Variants in PPM1N observed in about 807,000 individuals in gnomAD.
PPM1N encodes protein phosphatase, Mg2+/Mn2+ dependent 1N (putative).
PPM1N carries 35 observed loss-of-function variants against 32.6 expected under a neutral mutation model. That is an observed-to-expected ratio of 1.07 (90% confidence interval 0.82 to 1.43). PPM1N has a LOEUF of 1.43. Ranked by LOEUF, PPM1N falls within the 40% of genes most tolerant of loss-of-function variation. PPM1N has a pLI of 0.00. For synonymous variants in PPM1N, 275 were observed against 270.5 expected (o/e 1.02, Z -0.16); for missense variants, 648 against 606.6 (o/e 1.07, Z -0.72).
chr19:45,500,734 G>A lies in PPM1N; in HGVS notation c.1224+24G>A, dbSNP rs375536498. 10 of 1,572,980 alleles carry A rather than the reference G, an allele frequency of 6.4e-6. No homozygotes were observed. In the African/African-American group the frequency reaches 1.3e-4, roughly 21 times the overall value. ...AGGTAAGGATCCTGTGTTCTCCAGT[G>A]TTTCTCTTAGGAGGGGACGCCCCCC... On this transcript the variant is annotated intron_variant, in intron 4 of 4. Coordinates refer to ENST00000451287, the MANE Select transcript of PPM1N (RefSeq NM_001080401.2).
At position 45,499,964 on chromosome 19, in the gene PPM1N, A is replaced by C; in HGVS notation, c.955A>C (p.Met319Leu). Residue 319 changes from methionine to leucine, a missense_variant, in exon 2 of 5, where the codon ATG becomes CTG. Met to Leu is a conservative substitution (Grantham distance 15). Coordinates refer to ENST00000451287, the MANE Select transcript of PPM1N (RefSeq NM_001080401.2). Reference protein sequence around the residue: ...TCLCKGSLDNMTCILVCFPGA... With the variant: ...TCLCKGSLDNLTCILVCFPGA... ...CCGGCTTCAGGGCAGCCTGGACAAC[A>C]TGACCTGCATCCTGGTCTGCTTCCC... is the stretch of plus-strand genomic sequence containing the variant. The C allele has an allele frequency of 7.5e-6, 12 of 1,590,262 alleles. No individual in the cohort carries two copies. Among genetic ancestry groups the C allele is most frequent in the Non-Finnish European group, 1.0e-5 (12 of 1,167,514 alleles).
Position 45,502,170 on chromosome 19 carries a change from G to A in PPM1N, c.*85G>A. The stretch of plus-strand genomic sequence containing the variant: ...AAACCGACCCTTTCCCCAACTACAT[G>A]TACCAGCGGAAGGAAGGAAGGCCAA... On this transcript the variant is annotated 3_prime_UTR_variant, in exon 5 of 5. Coordinates refer to ENST00000451287, the MANE Select transcript of PPM1N (RefSeq NM_001080401.2). 8.3e-6 allele frequency: 9 copies of A among 1,080,798 alleles called. No individual in the cohort carries two copies. Among genetic ancestry groups the A allele is most frequent in the Non-Finnish European group, 1.2e-5 (9 of 720,340 alleles). 67.0% of individuals were successfully genotyped at this position (1,080,798 alleles called of 1,614,324 possible).
chr19:45,499,469 CG>C (rs746399576), intron 1 of PPM1N, 58 bp downstream of exon 1: 1 of 1,598,220 alleles, frequency 6.3e-7, no homozygotes, highest in Non-Finnish European at 8.5e-7. Context: ...GAGAGAGCCT[CG>C]GGGTTTTGGG....
chr19:45,499,820 G>A, intron 1 of PPM1N, 129 bp from the exon 2 acceptor site: 1 of 1,494,626 alleles, frequency 6.7e-7, no homozygotes, highest in Non-Finnish European at 8.9e-7. Flanking sequence ...AGAGAGGATT[G>A]GCAGGTGGGT....
chr19:45,498,792 G>T lies in PPM1N; in HGVS notation c.320G>T (p.Gly107Val). 1 of 1,552,604 alleles carries T rather than the reference G, an allele frequency of 6.4e-7. No individual in the cohort carries two copies. ...TTTGCCGTCCTCGACGGCCACGGTG[G>T]GGCTCGAGCTGCCCGCTTCGGTGCA... is the stretch of plus-strand genomic sequence containing the variant. ...ALFAVLDGHG[G>V]ARAARFGARH... Residue 107 changes from glycine to valine, a missense_variant, in exon 1 of 5, where the codon GGG becomes GTG. Coordinates refer to ENST00000451287, the MANE Select transcript of PPM1N (RefSeq NM_001080401.2).
In PPM1N at chr19:45,498,849, T is replaced by G. The variant is rs1968354350; in HGVS notation, c.377T>G (p.Leu126Arg). ...RHLPGHVLQE[L>R]GPEPSEPEGV... is the part of the protein sequence containing the mutation. ...TTGCCAGGCCATGTGCTCCAGGAGC[T>G]GGGCCCGGAGCCTAGCGAGCCCGAG... The change falls in exon 1 of 5, where the codon CTG (leucine) becomes CGG (arginine). Residue 126 changes from leucine (L) to arginine (R), a missense_variant. Physicochemically the swap from Leu to Arg is moderately radical, Grantham distance 102. Transcript: ENST00000451287. 1.3e-6 allele frequency: 2 copies of G among 1,534,070 alleles called. No homozygotes were observed. Among genetic ancestry groups the G allele is most frequent in the Non-Finnish European group, 8.7e-7 (1 of 1,149,820 alleles).
chr19:45,502,345 C>CA lies in PPM1N; in HGVS notation c.*262dup, dbSNP rs1198602865. ...AAAAAAAAAAAAAAACAAAAAAACC[C>CA]AACCAAATGTTTTTGAAATATTCAG... On this transcript the variant is annotated 3_prime_UTR_variant, in exon 5 of 5. Transcript: ENST00000451287. 4 of 537,200 alleles carry CA rather than the reference C, an allele frequency of 7.4e-6. No homozygotes were observed. The highest frequency in any genetic ancestry group is 1.3e-5 in the Non-Finnish European group (4 of 319,786). The allele number at this position is 537,200 out of a possible 1,614,324, so 33.3% of individuals were successfully genotyped here.
intron 4 of PPM1N, 127 bp from the exon 5 acceptor site, chr19:45,501,890 G>A: frequency 1.8e-6 from 1 of 555,804 alleles, no homozygotes; most frequent in Non-Finnish European, 3.0e-6. Context: ...CTTGGGGTTG[G>A]GGTCCACTCC....
chr19:45,498,549 G>A lies in PPM1N; in HGVS notation c.77G>A (p.Arg26Lys). 1 of 1,456,650 alleles carries A rather than the reference G, an allele frequency of 6.9e-7. No homozygotes were observed. Among genetic ancestry groups the A allele is most frequent in the Admixed American group, 2.8e-5 (1 of 35,488 alleles). 90.2% of individuals were successfully genotyped at this position (1,456,650 alleles called of 1,614,324 possible). The change falls in exon 1 of 5, where the codon AGG becomes AAG. Residue 26 changes from arginine to lysine, a missense_variant. Physicochemically the swap from Arg to Lys is conservative, Grantham distance 26. Coordinates refer to ENST00000451287, the MANE Select transcript of PPM1N (RefSeq NM_001080401.2). ...CKKKEREKEG[R>K]EEEEEEEAGR... ...AAAAAGGAGAGGGAGAAGGAGGGGA[G>A]GGAGGAAGAGGAGGAGGAGGAGGCG...
intron 4 of PPM1N, among the ~76,000 whole-genome samples, 154 bp from the exon 5 acceptor site, chr19:45,501,863 G>C (rs376499098): frequency 6.6e-5 from 10 of 152,132 alleles, no homozygotes; most frequent in African/African-American, 2.4e-4. Flanking sequence ...TGTCTGATTG[G>C]CCAGGCTGGG....
At chr19:45,499,918 C>G in intron 1 of PPM1N, 31 bp from the exon 2 acceptor site, 7 of 1,552,486 alleles carry the variant, frequency 4.5e-6, no homozygotes, top group Non-Finnish European at 6.1e-6. Flanking sequence ...GACTCTCCCC[C>G]ACCGGGCTCC....
intron 2 of PPM1N, 115 bp from the exon 3 acceptor site, chr19:45,500,341 T>A: frequency 1.1e-6 from 1 of 938,226 alleles, no homozygotes; most frequent in South Asian, 1.5e-5. Context: ...CACGATGTTG[T>A]CCAGGCTGGT....
At position 45,499,262 on chromosome 19, in the gene PPM1N, G is replaced by A; in HGVS notation, c.790G>A (p.Ala264Thr). The A allele has an allele frequency of 6.2e-7, 1 of 1,610,384 alleles. No homozygotes were observed. Among genetic ancestry groups the A allele is most frequent in the Non-Finnish European group, 8.5e-7 (1 of 1,179,048 alleles). ...EPEVAALARQ[A>T]EDEFMLLASD... ...AGAGGTGGCCGCACTGGCACGCCAGGCTGAGGACGAGTTCATGCTCCTGGC... is the reference window on the plus strand; with the variant it reads ...AGAGGTGGCCGCACTGGCACGCCAGACTGAGGACGAGTTCATGCTCCTGGC... The change falls in exon 1 of 5, where the codon GCT becomes ACT. Residue 264 changes from alanine to threonine, a missense_variant. Transcript: ENST00000451287.
rs1158533053 is a variant in PPM1N, at chr19:45,502,147, ACCGACCCTTTC to A, written c.*65_*75del. On this transcript the variant is annotated 3_prime_UTR_variant, in exon 5 of 5. Transcript: ENST00000451287. ...GGCCTCAACAGAACTAAAGAAGAAA[ACCGACCCTTTC>A]CCCAACTACATGTACCAGCGGAAGG... is the stretch of plus-strand genomic sequence containing the variant. 1.5e-6 allele frequency: 2 copies of A among 1,331,554 alleles called. No homozygotes were observed. The highest frequency in any genetic ancestry group is 2.1e-6 in the Non-Finnish European group (2 of 939,014). 82.5% of individuals were successfully genotyped at this position (1,331,554 alleles called of 1,614,324 possible).
intron 1 of PPM1N, chr19:45,499,630 C>CT (rs1411129856): frequency 1.9e-6 from 3 of 1,548,806 alleles, no homozygotes. Flanking sequence ...GTGGAAGGGA[C>CT]TTAAGAGAAA....
Position 45,502,315 on chromosome 19 carries a change from AAAAAAAAAAAAAAAAAAAAC to A in PPM1N, c.*238_*257del, listed in dbSNP as rs1386476051. Reference sequence around the variant, plus strand: ...AAGAAAAAAGCCCAAATCGAAAAAAAAAAAAAAAAAAAAAAAAAACAAAAAAACCCAACCAAATGTTTTTG... The same window carrying A: ...AAGAAAAAAGCCCAAATCGAAAAAAAAAAAAAACCCAACCAAATGTTTTTG... On this transcript the variant is annotated 3_prime_UTR_variant, in exon 5 of 5. Coordinates refer to ENST00000451287, the MANE Select transcript of PPM1N (RefSeq NM_001080401.2). 2.7e-5 allele frequency: 13 copies of A among 486,578 alleles called. No homozygotes were observed. In the East Asian group the frequency reaches 3.8e-4, roughly 14 times the overall value. 30.1% of individuals were successfully genotyped at this position (486,578 alleles called of 1,614,324 possible).
chr19:45,499,442 G>A (rs1162616128), intron 1 of PPM1N, 31 bp downstream of exon 1: 2 of 1,595,586 alleles, frequency 1.3e-6, no homozygotes, highest in Non-Finnish European at 1.7e-6. Flanking sequence ...TACCTTTGGG[G>A]CTTGGTGCAG....
chr19:45,500,427 G>C, intron 2 of PPM1N, 29 bp from the exon 3 acceptor site: 1 of 1,567,540 alleles, frequency 6.4e-7, no homozygotes, highest in Non-Finnish European at 8.7e-7. Flanking sequence ...GCGCCACTGT[G>C]CCCAGCCTAA....
rs796519893 is a variant in PPM1N, at chr19:45,500,975, C to T, written c.1224+265C>T. Among the ~76,000 whole-genome samples the T allele has an allele frequency of 3.3e-5, 5 of 152,094 alleles. No homozygotes were observed. In the South Asian group the frequency reaches 1.0e-3, roughly 32 times the overall value. On this transcript the variant is annotated intron_variant, in intron 4 of 4. Coordinates refer to ENST00000451287, the MANE Select transcript of PPM1N (RefSeq NM_001080401.2). ...AAGGGATCCTCCTGCTTTGGCCTCC[C>T]AAAGTGCTGGGATTACAGGCGGGAG...
Sources: gnomAD v4.1 joint callset for allele counts (sites outside exome capture counted in the v4.1 genomes callset) on GRCh38, gnomAD v4.1.1 for gene constraint, MANE v1.5 for transcripts, NCBI Gene and HGNC (gene_info 2026-07-23, HGNC 2026-07-21) for gene names.